CDH1: variants seen among roughly 807,000 people sequenced by gnomAD.
CDH1 encodes the protein cadherin-1.
Under a neutral mutation model 84.5 loss-of-function variants are expected in CDH1, and 35 were observed. The observed-to-expected ratio is 0.41, with a 90% CI of 0.32 to 0.55. The LOEUF is 0.55. Among genes scored for constraint, CDH1 ranks in the 20% least tolerant of loss-of-function variants. The pLI is 0.19. For synonymous variants in CDH1, 417 were observed against 439.0 expected, an observed-to-expected ratio of 0.95 and a Z score of 0.63; for missense variants, 994 against 1,126.6, an observed-to-expected ratio of 0.88 and a Z score of 1.68.
At chr16:68,801,936 C>G (rs746755728) in intron 3 of CDH1, 43 bp downstream of exon 3, 3 of 1,488,560 alleles carry the variant, frequency 2.0e-6, no homozygotes, top group Non-Finnish European at 2.8e-6. Context: ...TGTTTTAGTG[C>G]GCTGTCTAAT....
chr16:68,825,546 G>A (rs1306433896), intron 13 of CDH1, among the ~76,000 whole-genome samples: 1 of 152,188 alleles, frequency 6.6e-6, no homozygotes, highest in East Asian at 1.9e-4. Context: ...CATCCCATTT[G>A]CTTCTGCCCC....
At chr16:68,786,602 C>T (rs912799814) in intron 2 of CDH1, among the ~76,000 whole-genome samples, 2 of 137,584 alleles carry the variant, frequency 1.5e-5, no homozygotes, top group African/African-American at 5.6e-5. Context: ...TTCTCAGGAG[C>T]CTGAGCCAAG....
intron 2 of CDH1, among the ~76,000 whole-genome samples, chr16:68,744,321 G>C (rs922488004): frequency 6.6e-6 from 1 of 152,162 alleles, no homozygotes; most frequent in Non-Finnish European, 1.5e-5. Flanking sequence ...TCTCAAACCT[G>C]AGTCTGGAAA....
At chr16:68,742,025 G>A (rs1185131529) in intron 2 of CDH1, among the ~76,000 whole-genome samples, 4 of 152,008 alleles carry the variant, frequency 2.6e-5, no homozygotes, top group Admixed American at 6.6e-5. Context: ...AGCACACACC[G>A]GTCTGAGAAA....
intron 13 of CDH1, among the ~76,000 whole-genome samples, chr16:68,824,546 C>T (rs998813982): frequency 1.3e-5 from 2 of 152,188 alleles, no homozygotes; most frequent in Admixed American, 6.5e-5. Context: ...CCACATCTAG[C>T]TGCAAGGGAA....
chr16:68,776,187 A>T (rs544566606), intron 2 of CDH1, among the ~76,000 whole-genome samples: 2 of 152,164 alleles, frequency 1.3e-5, no homozygotes, highest in Admixed American at 1.3e-4. Flanking sequence ...GGGTTTTACC[A>T]TCTTGACCAG....
At chr16:68,788,717 G>A (rs1960131779) in intron 2 of CDH1, among the ~76,000 whole-genome samples, 1 of 152,060 alleles carries the variant, frequency 6.6e-6, no homozygotes, top group South Asian at 2.1e-4. Context: ...AGAAAGTTGG[G>A]GCTGGGCATG....
At chr16:68,831,092 T>TC (rs1295633764) in intron 15 of CDH1, among the ~76,000 whole-genome samples, 1 of 142,196 alleles carries the variant, frequency 7.0e-6, no homozygotes, top group Non-Finnish European at 1.5e-5. Context: ...TTTTTTTTTT[T>TC]TTTTGAGACA....
chr16:68,761,708 AG>A (rs1321869293), intron 2 of CDH1, among the ~76,000 whole-genome samples: 1 of 152,134 alleles, frequency 6.6e-6, no homozygotes, highest in African/African-American at 2.4e-5. Context: ...ATTTGAGCAA[AG>A]ACCCAAGAGA....
intron 6 of CDH1, among the ~76,000 whole-genome samples, chr16:68,811,396 CAAAAAAAAAAA>C (rs1158343325): frequency 1.3e-5 from 1 of 77,766 alleles, no homozygotes; most frequent in Non-Finnish European, 2.9e-5. Flanking sequence ...AACTCCGTCT[CAAAAAAAAAAA>C]AAAAAAAAAA....
At chr16:68,759,523 T>C (rs1207607996) in intron 2 of CDH1, among the ~76,000 whole-genome samples, 1 of 151,070 alleles carries the variant, frequency 6.6e-6, no homozygotes, top group East Asian at 1.9e-4. Context: ...GGAATTTTGC[T>C]CTGTTGCCTG....
At chr16:68,753,212 CAAAAAAAAA>C (rs55703202) in intron 2 of CDH1, among the ~76,000 whole-genome samples, 4 of 70,120 alleles carry the variant, frequency 5.7e-5, no homozygotes, top group Admixed American at 1.9e-4. Flanking sequence ...GACTCAGTCT[CAAAAAAAAA>C]AAAAAAAAAA....
At chr16:68,745,773 A>T (rs1962722963) in intron 2 of CDH1, among the ~76,000 whole-genome samples, 1 of 151,784 alleles carries the variant, frequency 6.6e-6, no homozygotes, top group South Asian at 2.1e-4. Flanking sequence ...TTGCAGATTC[A>T]CTGAGAGCCA....
At chr16:68,741,038 G>C (rs554638613) in intron 2 of CDH1, among the ~76,000 whole-genome samples, 2 of 151,994 alleles carry the variant, frequency 1.3e-5, no homozygotes, top group South Asian at 2.1e-4. Context: ...GGACCTCCGA[G>C]AGGGGGTGGT....
At chr16:68,773,363 C>A (rs1959638262) in intron 2 of CDH1, among the ~76,000 whole-genome samples, 1 of 148,800 alleles carries the variant, frequency 6.7e-6, no homozygotes, top group Admixed American at 6.8e-5. Flanking sequence ...GTGGCACAAT[C>A]TTGGCTCACT....
chr16:68,812,017 A>G, intron 7 of CDH1, 118 bp from the exon 8 acceptor site: 1 of 1,527,446 alleles, frequency 6.5e-7, no homozygotes, highest in Non-Finnish European at 9.1e-7. Flanking sequence ...TGCCTAGAAG[A>G]CAGGCAGGCT....
At chr16:68,808,946 C>A in intron 5 of CDH1, 98 bp downstream of exon 5, 1 of 1,138,812 alleles carries the variant, frequency 8.8e-7, no homozygotes, top group Non-Finnish European at 1.3e-6. Context: ...GCTCTGAACA[C>A]ATGAGGAGCT....
intron 2 of CDH1, among the ~76,000 whole-genome samples, chr16:68,777,895 C>G (rs1959779307): frequency 6.6e-6 from 1 of 151,966 alleles, no homozygotes; most frequent in Admixed American, 6.6e-5. Flanking sequence ...CCACGCCCAG[C>G]TAACTTTTGT....
intron 2 of CDH1, among the ~76,000 whole-genome samples, chr16:68,794,990 C>A (rs1960320346): frequency 2.0e-5 from 3 of 152,150 alleles, no homozygotes; most frequent in Admixed American, 6.6e-5. Flanking sequence ...CCGCACCTGG[C>A]CAACCGGGCT....
Sources: gnomAD v4.1 joint callset for allele counts (sites outside exome capture counted in the v4.1 genomes callset) on GRCh38, gnomAD v4.1.1 for gene constraint, MANE v1.5 for transcripts, NCBI Gene and HGNC (gene_info 2026-07-23, HGNC 2026-07-21) for gene names.